MACROD2: variants seen among roughly 807,000 people sequenced by gnomAD.
MACROD2 encodes the protein mono-ADP ribosylhydrolase 2, also known as ADP-ribose glycohydrolase MACROD2.
MACROD2 carries 36 observed loss-of-function variants against 70.4 expected under a neutral mutation model. The observed-to-expected ratio is 0.51, with a 90% CI of 0.39 to 0.68. MACROD2 has a LOEUF of 0.68. MACROD2 is among the 30% of genes least tolerant of loss of function. The probability of loss-of-function intolerance (pLI) is 0.00; values close to 1 mark genes in which losing one functional copy is unlikely to be tolerated. For missense variants in MACROD2, 496 were observed against 538.4 expected (o/e 0.92, Z 0.78); for synonymous variants, 172 against 178.8 (o/e 0.96, Z 0.30).
chr20:14,948,266 G>A (rs572479679), intron 5 of MACROD2, among the ~76,000 whole-genome samples: 3 of 152,168 alleles, frequency 2.0e-5, no homozygotes, highest in South Asian at 2.1e-4. Flanking sequence ...ATACTTGATG[G>A]GAGTGGGGAA....
chr20:14,667,402 AATTCTTGCCAAGTGTTAC>A (rs1215455843), intron 4 of MACROD2, among the ~76,000 whole-genome samples: 1 of 152,174 alleles, frequency 6.6e-6, no homozygotes, highest in Non-Finnish European at 1.5e-5. Context: ...CACTGATTAA[AATTCTTGCCAAGTGTTAC>A]ATTATGCACA....
At chr20:14,404,124 C>G (rs1279757572) in intron 3 of MACROD2, among the ~76,000 whole-genome samples, 2 of 151,820 alleles carry the variant, frequency 1.3e-5, no homozygotes, top group Non-Finnish European at 2.9e-5. Context: ...TGAGGAAATT[C>G]CCAATAAGGC....
chr20:14,404,909 G>T (rs2083676534), intron 3 of MACROD2, among the ~76,000 whole-genome samples: 1 of 151,758 alleles, frequency 6.6e-6, no homozygotes, highest in Admixed American at 6.6e-5. Flanking sequence ...AAAAAAGATT[G>T]TTAGAATAAA....
At position 15,439,483 on chromosome 20, in the gene MACROD2, C is replaced by G. The variant is rs143491215; in HGVS notation, c.571+8048C>G. Among the ~76,000 whole-genome samples the G allele has an allele frequency of 5.1e-4, 77 of 152,254 alleles. 2 individuals carry two copies. In the East Asian group the frequency reaches 0.013, roughly 25 times the overall value. Reference sequence around the variant, plus strand: ...CACACTCACAGTGTGTCTGGAGGACCTGGCCAGGCGCCAGTACTTTGGGGG... The same window carrying G: ...CACACTCACAGTGTGTCTGGAGGACGTGGCCAGGCGCCAGTACTTTGGGGG... On this transcript the variant is annotated intron_variant, in intron 7 of 17. Transcript: ENST00000684519.
At chr20:15,915,336 C>T (rs576532833) in intron 10 of MACROD2, among the ~76,000 whole-genome samples, 12 of 152,056 alleles carry the variant, frequency 7.9e-5, no homozygotes, top group African/African-American at 2.4e-4. Context: ...AACTCAGGTA[C>T]GATTACAAGT....
At chr20:15,696,892 T>A (rs1260411177) in intron 8 of MACROD2, among the ~76,000 whole-genome samples, 1 of 151,160 alleles carries the variant, frequency 6.6e-6, no homozygotes, top group African/African-American at 2.4e-5. Flanking sequence ...GTGGTGTAGG[T>A]TGTAATATCT....
chr20:15,622,000 TG>T (rs1600678706), intron 8 of MACROD2, among the ~76,000 whole-genome samples: 1 of 152,298 alleles, frequency 6.6e-6, no homozygotes, highest in East Asian at 1.9e-4. Context: ...TAACTGTGGA[TG>T]GGCTCTGCAG....
chr20:14,600,857 C>T (rs1383110966), intron 4 of MACROD2, among the ~76,000 whole-genome samples: 2 of 152,156 alleles, frequency 1.3e-5, no homozygotes, highest in African/African-American at 4.8e-5. Flanking sequence ...TGCTTTAATG[C>T]ACATTGCATT....
At chr20:15,169,446 A>T (rs553099331) in intron 5 of MACROD2, among the ~76,000 whole-genome samples, 22 of 152,182 alleles carry the variant, frequency 1.4e-4, no homozygotes, top group Admixed American at 4.6e-4. Flanking sequence ...GAGTTCATTA[A>T]CAGAGCCACG....
intron 3 of MACROD2, among the ~76,000 whole-genome samples, chr20:14,430,478 G>A (rs1221160635): frequency 6.6e-6 from 1 of 152,186 alleles, no homozygotes; most frequent in Non-Finnish European, 1.5e-5. Context: ...GGATGCCACA[G>A]GAGAGAAAGG....
intron 5 of MACROD2, among the ~76,000 whole-genome samples, chr20:14,817,355 C>A (rs1159832810): frequency 6.6e-6 from 1 of 152,162 alleles, no homozygotes; most frequent in Non-Finnish European, 1.5e-5. Flanking sequence ...TTTATTTCCA[C>A]AATGCCTGTT....
intron 5 of MACROD2, among the ~76,000 whole-genome samples, chr20:15,149,910 G>A (rs1193297249): frequency 6.6e-6 from 1 of 151,992 alleles, no homozygotes; most frequent in Non-Finnish European, 1.5e-5. Flanking sequence ...AAGATGAGTG[G>A]GGAAAGGATT....
At chr20:15,756,411 GA>G (rs11346548) in intron 8 of MACROD2, among the ~76,000 whole-genome samples, 31,566 of 148,548 alleles carry the variant, frequency 0.21, 4,055 homozygotes, top group African/African-American at 0.37. Flanking sequence ...CTTGGTTTGA[GA>G]AAAAAAAAAA....
chr20:15,206,808 C>T (rs1338033503), intron 5 of MACROD2, among the ~76,000 whole-genome samples: 48 of 138,350 alleles, frequency 3.5e-4, no homozygotes, highest in African/African-American at 1.3e-3. Flanking sequence ...GCAATCTCGG[C>T]TCACTGCAAG....
At chr20:15,395,525 G>T (rs959389937) in intron 6 of MACROD2, among the ~76,000 whole-genome samples, 1 of 152,116 alleles carries the variant, frequency 6.6e-6, no homozygotes, top group East Asian at 1.9e-4. Flanking sequence ...TTTGAAGACC[G>T]TGCAGTCTCT....
Position 16,041,287 on chromosome 20 carries a change from C to A in MACROD2, c.1231+9C>A. 6.2e-7 allele frequency: 1 copy of A among 1,608,628 alleles called. No homozygotes were observed. ...TACTCCAGGTCCTGATGGTAAGGTT[C>A]TGAGCTATTGGAGCCCATGGAAACT... On this transcript the variant is annotated intron_variant, in intron 16 of 17. Transcript: ENST00000684519.
At chr20:14,883,746 A>G (rs191368946) in intron 5 of MACROD2, among the ~76,000 whole-genome samples, 4 of 152,266 alleles carry the variant, frequency 2.6e-5, no homozygotes, top group Admixed American at 6.5e-5. Context: ...TATAGGGACA[A>G]TGTCTACCAA....
At chr20:14,716,647 G>A (rs186547100) in intron 5 of MACROD2, among the ~76,000 whole-genome samples, 268 of 152,212 alleles carry the variant, frequency 1.8e-3, no homozygotes, top group African/African-American at 6.2e-3. Context: ...ATCCATCTAT[G>A]CTTGGAAAAA....
chr20:14,900,076 GT>G (rs2073877533), intron 5 of MACROD2, among the ~76,000 whole-genome samples: 2 of 152,102 alleles, frequency 1.3e-5, no homozygotes, highest in East Asian at 3.9e-4. Context: ...TGAGCATATG[GT>G]TTATATCTTT....
Sources: allele counts gnomAD v4.1 joint callset (sites outside exome capture counted in the v4.1 genomes callset), GRCh38; gene constraint gnomAD v4.1.1; transcripts MANE v1.5; gene names NCBI Gene and HGNC (gene_info 2026-07-23, HGNC 2026-07-21).